Variants in ZNF208 observed in about 807,000 individuals in gnomAD.
ZNF208 encodes zinc finger protein 208.
Under a neutral mutation model 12.1 loss-of-function variants are expected in ZNF208, and 10 were observed. The ratio of observed to expected loss-of-function variants is 0.83; its 90% CI spans 0.51 to 1.40. ZNF208 has a LOEUF of 1.40. Ranked by LOEUF, ZNF208 falls within the 40% of genes most tolerant of loss-of-function variation. The pLI is 0.00. For synonymous variants in ZNF208, 497 were observed against 488.4 expected, an observed-to-expected ratio of 1.02 and a Z score of -0.23; for missense variants, 1,652 against 1,485.0, an observed-to-expected ratio of 1.11 and a Z score of -1.85.
chr19:21,945,494 T>G (rs1969802730), intron 4 of ZNF208, among the ~76,000 whole-genome samples: 1 of 152,200 alleles, frequency 6.6e-6, no homozygotes, highest in Non-Finnish European at 1.5e-5. Context: ...ATATTCACAT[T>G]TTAAACACAG....
chr19:21,999,041 T>TTTTATAGCATAATTTTATGCTATAA (rs1428373265), intron 1 of ZNF208, among the ~76,000 whole-genome samples: 2 of 27,004 alleles, frequency 7.4e-5, no homozygotes, highest in African/African-American at 3.4e-4. Context: ...TATGCTATAA[T>TTTTATAGCATAATTTTATGCTATAA]TTTATAGCAT....
At chr19:21,960,514 A>G (rs1268907174) in intron 4 of ZNF208, among the ~76,000 whole-genome samples, 1 of 152,200 alleles carries the variant, frequency 6.6e-6, no homozygotes, top group Admixed American at 6.5e-5. Context: ...AATGCTCTTT[A>G]TTCCTTAAAA....
chr19:21,995,938 G>T (rs1182040162), intron 1 of ZNF208, among the ~76,000 whole-genome samples: 2 of 152,150 alleles, frequency 1.3e-5, no homozygotes, highest in Non-Finnish European at 2.9e-5. Flanking sequence ...GCCTCCTGTT[G>T]GTTTTCTGTA....
intron 4 of ZNF208, among the ~76,000 whole-genome samples, chr19:21,960,304 C>A (rs1970042948): frequency 6.6e-6 from 1 of 151,056 alleles, no homozygotes; most frequent in Non-Finnish European, 1.5e-5. Flanking sequence ...AAAATATTAA[C>A]CAAAAGAAGG....
intron 3 of ZNF208, 181 bp downstream of exon 3, chr19:21,987,035 A>G (rs1392126072): frequency 5.3e-6 from 3 of 566,898 alleles, no homozygotes; most frequent in East Asian, 6.5e-5. Context: ...ATTCTTAGAA[A>G]TTTTAAAAGT....
intron 4 of ZNF208, among the ~76,000 whole-genome samples, chr19:21,944,201 G>A (rs1969784358): frequency 6.6e-6 from 1 of 152,044 alleles, no homozygotes; most frequent in African/African-American, 2.4e-5. Flanking sequence ...CATTTCTGAA[G>A]CCCAATATGT....
chr19:21,978,805 A>G (rs761585815), intron 3 of ZNF208, among the ~76,000 whole-genome samples: 2 of 152,190 alleles, frequency 1.3e-5, no homozygotes, highest in Non-Finnish European at 2.9e-5. Flanking sequence ...GCATGTTCTA[A>G]CCCAATGCCA....
chr19:22,010,650 G>T, intron 1 of ZNF208, 142 bp downstream of exon 1: 2 of 1,289,678 alleles, frequency 1.6e-6, no homozygotes, highest in Non-Finnish European at 2.2e-6. Flanking sequence ...TGGCTGAACC[G>T]GACTGAGGTC....
chr19:21,953,401 C>T (rs1300349269), intron 4 of ZNF208, among the ~76,000 whole-genome samples: 3 of 92,654 alleles, frequency 3.2e-5, no homozygotes, highest in Admixed American at 1.1e-4. Flanking sequence ...AAAAATGTTA[C>T]GGGTAGCCAG....
chr19:22,003,889 G>T (rs1230359912), intron 1 of ZNF208, among the ~76,000 whole-genome samples: 1 of 152,126 alleles, frequency 6.6e-6, no homozygotes, highest in Admixed American at 6.5e-5. Flanking sequence ...AATATAGTAT[G>T]GTTGGGCATG....
chr19:21,955,884 C>G (rs1157021368), intron 4 of ZNF208, among the ~76,000 whole-genome samples: 2 of 152,234 alleles, frequency 1.3e-5, no homozygotes, highest in East Asian at 3.8e-4. Flanking sequence ...TGGTGAGGAA[C>G]TGCATTCCTT....
intron 1 of ZNF208, among the ~76,000 whole-genome samples, chr19:22,000,862 C>T (rs148373549): frequency 1.3e-5 from 2 of 152,220 alleles, no homozygotes; most frequent in African/African-American, 2.4e-5. Flanking sequence ...AAAAAAGAGA[C>T]ATTAGCACTG....
Position 21,966,786 on chromosome 19 carries a change from A to C in ZNF208, c.*4405T>G, listed in dbSNP as rs1264846519. 2.0e-5 allele frequency: 3 copies of C among 152,142 alleles called. No individual in the cohort carries two copies. Among genetic ancestry groups the C allele is most frequent in the Non-Finnish European group, 4.4e-5 (3 of 68,000 alleles). The allele number at this position is 152,142 out of a possible 1,614,324, so 9.4% of individuals were successfully genotyped here. A position where few individuals can be genotyped will look rare whatever the true frequency, so the allele number is the denominator to read the frequency against. On this transcript the variant is annotated 3_prime_UTR_variant, in exon 4 of 4. Coordinates refer to ENST00000397126, the MANE Select transcript of ZNF208 (RefSeq NM_007153.3). ...CATCTTATTTATCTTACTTTTAATAAGTCATTCTTACTGGTATGAAATAGT... is the reference window on the plus strand; with the variant it reads ...CATCTTATTTATCTTACTTTTAATACGTCATTCTTACTGGTATGAAATAGT...
chr19:22,007,955 G>T (rs1971075576), intron 1 of ZNF208, among the ~76,000 whole-genome samples: 1 of 140,006 alleles, frequency 7.1e-6, no homozygotes, highest in East Asian at 2.2e-4. Context: ...AGTGAGCCGA[G>T]ATTGCACCAC....
Position 21,967,221 on chromosome 19 carries a change from T to G in ZNF208, c.*3970A>C, listed in dbSNP as rs1033989896. ...AGTCTTTAATCTATATTGAGTTGTTTTTTTTTTATAGAAAAAGGTAGTACA... is the reference window on the plus strand; with the variant it reads ...AGTCTTTAATCTATATTGAGTTGTTGTTTTTTTATAGAAAAAGGTAGTACA... On this transcript the variant is annotated 3_prime_UTR_variant, in exon 4 of 4. Transcript: ENST00000397126. 2 of 152,248 alleles carry G rather than the reference T, an allele frequency of 1.3e-5. No homozygotes were observed. Among genetic ancestry groups the G allele is most frequent in the South Asian group, 2.1e-4 (1 of 4,828 alleles). The allele number at this position is 152,248 out of a possible 1,614,324, so 9.4% of individuals were successfully genotyped here.
intron 1 of ZNF208, among the ~76,000 whole-genome samples, chr19:21,997,205 A>G (rs1343551398): frequency 1.3e-5 from 2 of 152,236 alleles, no homozygotes; most frequent in African/African-American, 4.8e-5. Context: ...CAAAGACAGA[A>G]AGACAGTGAC....
intron 1 of ZNF208, among the ~76,000 whole-genome samples, chr19:21,994,896 G>T (rs1448370138): frequency 1.3e-5 from 2 of 150,928 alleles, no homozygotes; most frequent in African/African-American, 2.4e-5. Context: ...CCAGTTGCTA[G>T]TCTAGACTAC....
At chr19:21,956,428 C>A (rs2666441) in intron 4 of ZNF208, among the ~76,000 whole-genome samples, 50,596 of 152,076 alleles carry the variant, frequency 0.33, 9,745 homozygotes, top group East Asian at 0.5. Flanking sequence ...TATGCCCTGC[C>A]CCTAGAGGTG....
At position 21,972,350 on chromosome 19, in the gene ZNF208, C is replaced by T; in HGVS notation, c.2684G>A (p.Gly895Asp). 6.2e-7 allele frequency: 1 copy of T among 1,612,596 alleles called. No individual in the cohort carries two copies. ...GEKPYKCEECGKGFSMFSILT... is the reference protein window; with the variant it reads ...GEKPYKCEECDKGFSMFSILT... The stretch of plus-strand genomic sequence containing the variant: ...GATGGAGAACATACTAAAACCTTTG[C>T]CACATTCTTCACATTTGTAGGGTTT... The change falls in exon 4 of 4, where the codon GGC becomes GAC. Residue 895 changes from glycine to aspartate, a missense_variant. This residue lies in a region of ZNF208 where 1,239 missense variants were observed against 1,086.2 expected (regional missense o/e 1.14). Coordinates refer to ENST00000397126, the MANE Select transcript of ZNF208 (RefSeq NM_007153.3).
Sources: allele counts gnomAD v4.1 joint callset (sites outside exome capture counted in the v4.1 genomes callset), GRCh38; gene constraint gnomAD v4.1.1; regional missense constraint gnomAD v4.1.1; transcripts MANE v1.5; gene names NCBI Gene and HGNC (gene_info 2026-07-23, HGNC 2026-07-21).